The following SGPL1 variants were observed in gnomAD, a reference collection of about 807,000 sequenced individuals.
The protein encoded by SGPL1 is SP-lyase 1.
A neutral mutation model predicts 68.9 loss-of-function variants in SGPL1; 37 were observed. That is an observed-to-expected ratio of 0.54 (90% CI 0.41 to 0.71). SGPL1 has a LOEUF of 0.71. Ranked by LOEUF, SGPL1 falls within the 30% of genes least tolerant of loss-of-function variation. The probability of loss-of-function intolerance (pLI) is 0.00; values close to 1 mark genes in which losing one functional copy is unlikely to be tolerated. For missense variants in SGPL1, 551 were observed against 704.6 expected, an observed-to-expected ratio of 0.78 and a Z score of 2.47; for synonymous variants, 236 against 248.5, an observed-to-expected ratio of 0.95 and a Z score of 0.47.
chr10:70,874,710 C>T (rs958994831), intron 12 of SGPL1, among the ~76,000 whole-genome samples: 1 of 151,926 alleles, frequency 6.6e-6, no homozygotes. Flanking sequence ...GCAACAAGAA[C>T]GAAACTCCAT....
intron 2 of SGPL1, among the ~76,000 whole-genome samples, chr10:70,834,612 G>A (rs952297645): frequency 2.0e-5 from 3 of 152,206 alleles, no homozygotes; most frequent in African/African-American, 4.8e-5. Flanking sequence ...TTTGCAGTTC[G>A]AAAAGGCCAT....
At chr10:70,858,883 G>A (rs1415415919) in intron 6 of SGPL1, among the ~76,000 whole-genome samples, 1 of 152,106 alleles carries the variant, frequency 6.6e-6, no homozygotes, top group Non-Finnish European at 1.5e-5. Context: ...CAGGATGTTA[G>A]TTGTTCCCTC....
intron 2 of SGPL1, among the ~76,000 whole-genome samples, chr10:70,823,969 A>G (rs1644849949): frequency 6.6e-6 from 1 of 152,192 alleles, no homozygotes; most frequent in Non-Finnish European, 1.5e-5. Context: ...TTGATATGTC[A>G]TTGTTTCTTA....
At chr10:70,827,903 T>C (rs1845463789) in intron 2 of SGPL1, among the ~76,000 whole-genome samples, 1 of 152,214 alleles carries the variant, frequency 6.6e-6, no homozygotes. Context: ...ATATTCTCTT[T>C]TGTGAGTGGC....
In SGPL1 at chr10:70,830,421, T is replaced by A. The variant is rs530395575; in HGVS notation, c.27+13541T>A. On this transcript the variant is annotated intron_variant, in intron 2 of 14. Transcript: ENST00000373202. ...ATACAATCATACAGTAAATATGTGGTCTTTCCTGATTGACTTCCTGATTAA... is the reference window on the plus strand; with the variant it reads ...ATACAATCATACAGTAAATATGTGGACTTTCCTGATTGACTTCCTGATTAA... Among the ~76,000 whole-genome samples, 4 of 152,328 alleles carry A rather than the reference T, an allele frequency of 2.6e-5. No individual in the cohort carries two copies. In the South Asian group the frequency reaches 8.3e-4, roughly 32 times the overall value.
At chr10:70,854,645 AT>A in intron 4 of SGPL1, 62 bp from the exon 5 acceptor site, 1 of 1,454,480 alleles carries the variant, frequency 6.9e-7, no homozygotes, top group Non-Finnish European at 9.3e-7. Context: ...GACTGTCATA[AT>A]AATTCTGCTG....
At chr10:70,845,170 G>GT (rs1845773058) in intron 3 of SGPL1, among the ~76,000 whole-genome samples, 1 of 152,034 alleles carries the variant, frequency 6.6e-6, no homozygotes, top group African/African-American at 2.4e-5. Context: ...TGTAGTTCAC[G>GT]TAAAAACGCC....
At chr10:70,829,639 G>A (rs79719524) in intron 2 of SGPL1, among the ~76,000 whole-genome samples, 10,633 of 152,080 alleles carry the variant, frequency 0.07, 486 homozygotes, top group African/African-American at 0.1. Flanking sequence ...CAGATGAGCA[G>A]AGTCCAGTTG....
intron 10 of SGPL1, among the ~76,000 whole-genome samples, chr10:70,871,359 C>A (rs147048579): frequency 6.6e-6 from 1 of 152,288 alleles, no homozygotes; most frequent in East Asian, 1.9e-4. Context: ...TAGTACAAGG[C>A]TGAGGCCTTT....
intron 2 of SGPL1, among the ~76,000 whole-genome samples, chr10:70,821,384 C>G (rs1346327407): frequency 3.3e-5 from 5 of 152,152 alleles, no homozygotes; most frequent in African/African-American, 9.7e-5. Flanking sequence ...CAGTCTACCC[C>G]TTAGGTGGCT....
chr10:70,852,731 C>T (rs1443048606), intron 4 of SGPL1, among the ~76,000 whole-genome samples: 6 of 147,638 alleles, frequency 4.1e-5, no homozygotes, highest in African/African-American at 7.6e-5. Context: ...TGTGTGTGCG[C>T]GCGCACGCGT....
intron 3 of SGPL1, 74 bp from the exon 4 acceptor site, chr10:70,851,069 A>G (rs373018781): frequency 8.5e-6 from 10 of 1,172,694 alleles, no homozygotes; most frequent in African/African-American, 6.0e-5. Context: ...TGGAAGACAC[A>G]TTGAATGGTT....
In SGPL1 at chr10:70,877,408, C is replaced by G. The variant is rs1261845497; in HGVS notation, c.*73C>G. The G allele has an allele frequency of 4.8e-6, 7 of 1,451,152 alleles. No homozygotes were observed. The highest frequency in any genetic ancestry group is 6.8e-6 in the Non-Finnish European group (7 of 1,036,344). 89.9% of individuals were successfully genotyped at this position (1,451,152 alleles called of 1,614,324 possible). On this transcript the variant is annotated 3_prime_UTR_variant, in exon 15 of 15. Coordinates refer to ENST00000373202, the MANE Select transcript of SGPL1 (RefSeq NM_003901.4). ...CTTGGGATATGGAACAGGCCGTGCA[C>G]AACTTTGACATCTGGTCTTGCTCCA...
At chr10:70,855,349 G>C (rs1319806077) in intron 5 of SGPL1, among the ~76,000 whole-genome samples, 1 of 152,202 alleles carries the variant, frequency 6.6e-6, no homozygotes, top group Admixed American at 6.5e-5. Flanking sequence ...AATAGTGTTT[G>C]TCTGTGTGTA....
chr10:70,846,496 A>C (rs995282353), intron 3 of SGPL1, among the ~76,000 whole-genome samples: 2 of 152,216 alleles, frequency 1.3e-5, no homozygotes, highest in African/African-American at 4.8e-5. Flanking sequence ...TGTGGCAGTA[A>C]GTACGTTCAC....
At chr10:70,828,587 A>G (rs745410357) in intron 2 of SGPL1, among the ~76,000 whole-genome samples, 1 of 152,210 alleles carries the variant, frequency 6.6e-6, no homozygotes, top group Non-Finnish European at 1.5e-5. Context: ...TAGTCTGTAA[A>G]TGTTAATACA....
At chr10:70,862,856 C>T (rs1051581478) in intron 7 of SGPL1, among the ~76,000 whole-genome samples, 3 of 152,220 alleles carry the variant, frequency 2.0e-5, no homozygotes, top group Admixed American at 6.5e-5. Flanking sequence ...CGAGGGTCCG[C>T]GGCTTCATTC....
chr10:70,876,559 A>G lies in SGPL1; in HGVS notation c.1464A>G (p.Thr488=), dbSNP rs763022258. ...QFPPSIHFCI[T]LLHARKRVAI... ...TTCCTAGTATTCATTTCTGCATCAC[A>G]TTACTACACGCCCGGAAACGAGTAG... is the stretch of plus-strand genomic sequence containing the variant. Residue 488 remains threonine (T), a synonymous_variant, in exon 14 of 15, where the codon ACA becomes ACG. Transcript: ENST00000373202. The G allele has an allele frequency of 3.1e-6, 5 of 1,612,756 alleles. No homozygotes were observed. The highest frequency in any genetic ancestry group is 2.7e-5 in the African/African-American group (2 of 74,860).
chr10:70,843,976 A>C (rs1845754130), intron 2 of SGPL1, among the ~76,000 whole-genome samples: 2 of 152,246 alleles, frequency 1.3e-5, no homozygotes, highest in African/African-American at 4.8e-5. Flanking sequence ...GTACTCCAGC[A>C]GCAGAGAGGA....
Sources: allele counts gnomAD v4.1 joint callset (sites outside exome capture counted in the v4.1 genomes callset), GRCh38; gene constraint gnomAD v4.1.1; transcripts MANE v1.5; gene names NCBI Gene and HGNC (gene_info 2026-07-23, HGNC 2026-07-21).